The following KIRREL3 variants were observed in gnomAD, a reference collection of about 807,000 sequenced individuals.
KIRREL3 encodes the protein kin of IRRE-like protein 3.
Under a neutral mutation model 89.7 loss-of-function variants are expected in KIRREL3, and 36 were observed. That is an observed-to-expected ratio of 0.40 (90% CI 0.31 to 0.53). KIRREL3 has a LOEUF of 0.53. Among genes scored for constraint, KIRREL3 ranks in the 20% least tolerant of loss-of-function variants. The pLI is 0.49. For synonymous variants in KIRREL3, 445 were observed against 441.4 expected (o/e 1.01, Z -0.10); for missense variants, 864 against 1,056.6 (o/e 0.82, Z 2.53).
At chr11:126,539,046 T>C (rs919269331) in intron 2 of KIRREL3, among the ~76,000 whole-genome samples, 4 of 152,202 alleles carry the variant, frequency 2.6e-5, no homozygotes, top group African/African-American at 9.7e-5. Flanking sequence ...AAAGCAGCAG[T>C]GCCACATGGT....
At chr11:126,597,059 T>C (rs1565580726) in intron 1 of KIRREL3, among the ~76,000 whole-genome samples, 1 of 152,188 alleles carries the variant, frequency 6.6e-6, no homozygotes, top group Non-Finnish European at 1.5e-5. Context: ...GACAGACCTC[T>C]CAGAAATTCC....
rs368429930 is a variant in KIRREL3 at position 126,804,036 on chromosome 11, C to A, written c.55+196419G>T. On this transcript the variant is annotated intron_variant, in intron 1 of 16. Coordinates refer to ENST00000525144, the MANE Select transcript of KIRREL3 (RefSeq NM_032531.4). ...GTCTATGTGTGCATATATGTGTCATCTATGTTTGTAAGTATGTAGGCATGC... is the reference window on the plus strand; with the variant it reads ...GTCTATGTGTGCATATATGTGTCATATATGTTTGTAAGTATGTAGGCATGC... 9.3e-4 allele frequency among the ~76,000 whole-genome samples: 142 copies of A among 152,236 alleles called. 2 individuals carry two copies. In the South Asian group the frequency reaches 0.028, roughly 30 times the overall value.
intron 1 of KIRREL3, among the ~76,000 whole-genome samples, chr11:126,781,573 G>C (rs568993149): frequency 3.5e-4 from 54 of 152,194 alleles, no homozygotes; most frequent in Non-Finnish European, 5.7e-4. Context: ...CATTTTTAAG[G>C]TTCCTCCTCA....
intron 1 of KIRREL3, among the ~76,000 whole-genome samples, chr11:126,733,480 T>A (rs1034253430): frequency 2.0e-5 from 3 of 152,160 alleles, no homozygotes; most frequent in South Asian, 2.1e-4. Flanking sequence ...CTGGATTGTT[T>A]TCCTTCTTTC....
At position 126,521,854 on chromosome 11, in the gene KIRREL3, C is replaced by T. The variant is rs1958606398; in HGVS notation, c.284-390G>A. Among the ~76,000 whole-genome samples, 1 of 152,116 alleles carries T rather than the reference C, an allele frequency of 6.6e-6. No individual in the cohort carries two copies. The highest frequency in any genetic ancestry group is 6.6e-5 in the Admixed American group (1 of 15,266). Reference sequence around the variant, plus strand: ...CCACTTCCCAGACTCAAACGATCCTCCCACCTCAGCCTCCCAAGTAGCTGG... The same window carrying T: ...CCACTTCCCAGACTCAAACGATCCTTCCACCTCAGCCTCCCAAGTAGCTGG... On this transcript the variant is annotated intron_variant, in intron 3 of 16. Coordinates refer to ENST00000525144, the MANE Select transcript of KIRREL3 (RefSeq NM_032531.4). The surrounding 1 kb of genome is among the most constrained non-coding windows in gnomAD (Gnocchi z 4.1).
At chr11:126,573,630 G>A (rs987278867) in intron 1 of KIRREL3, among the ~76,000 whole-genome samples, 4 of 152,188 alleles carry the variant, frequency 2.6e-5, no homozygotes, top group Admixed American at 1.3e-4. Context: ...GAATCTGCCA[G>A]TTACCTCTCA....
chr11:126,760,404 T>C (rs1949633119), intron 1 of KIRREL3, among the ~76,000 whole-genome samples: 1 of 152,230 alleles, frequency 6.6e-6, no homozygotes, highest in African/African-American at 2.4e-5. Flanking sequence ...ACCTAGTTGG[T>C]CTTTTCAGTT....
chr11:126,518,406 G>A (rs980952582), intron 4 of KIRREL3, among the ~76,000 whole-genome samples: 1 of 152,172 alleles, frequency 6.6e-6, no homozygotes, highest in Non-Finnish European at 1.5e-5. Context: ...AGACCCCCGG[G>A]GGCCTCCCTC....
At chr11:126,483,850 C>T (rs1461694521) in intron 4 of KIRREL3, among the ~76,000 whole-genome samples, 1 of 152,194 alleles carries the variant, frequency 6.6e-6, no homozygotes, top group African/African-American at 2.4e-5. Flanking sequence ...GCTCAAAGGC[C>T]TATCATGCCT....
chr11:126,600,961 C>A (rs1274368650), intron 1 of KIRREL3, among the ~76,000 whole-genome samples: 1 of 152,188 alleles, frequency 6.6e-6, no homozygotes, highest in Non-Finnish European at 1.5e-5. Flanking sequence ...TTCTCTCTCT[C>A]ACCCCTCCAC....
intron 2 of KIRREL3, among the ~76,000 whole-genome samples, chr11:126,559,397 G>T (rs1355791732): frequency 6.6e-6 from 1 of 152,242 alleles, no homozygotes; most frequent in Non-Finnish European, 1.5e-5. Context: ...CGAAGGCCCA[G>T]GGAGAGGAGA....
chr11:126,566,235 T>C lies in KIRREL3; in HGVS notation c.56-3323A>G, dbSNP rs1329282272. The stretch of plus-strand genomic sequence containing the variant: ...CTGCAGATGGGGCAGTGGAGGGCAC[T>C]GTCCCAGGAACAAGGAAGGTTTAGG... On this transcript the variant is annotated intron_variant, in intron 1 of 16. Coordinates refer to ENST00000525144, the MANE Select transcript of KIRREL3 (RefSeq NM_032531.4). This position sits in a 1 kb window ranked among gnomAD's most constrained non-coding sequence, Gnocchi z 4.9. 6.6e-6 allele frequency among the ~76,000 whole-genome samples: 1 copy of C among 152,218 alleles called. No homozygotes were observed.
rs1195805690 is a variant in KIRREL3, at chr11:126,870,301, G to C, written c.55+130154C>G. ...TGCCTGTGCCATGTACTGCAAGACA[G>C]CTGGGATTGTCATGGACATCAATAT... On this transcript the variant is annotated intron_variant, in intron 1 of 16. Transcript: ENST00000525144. The surrounding 1 kb of genome is among the most constrained non-coding windows in gnomAD (Gnocchi z 4.4). Among the ~76,000 whole-genome samples the C allele has an allele frequency of 1.3e-5, 2 of 152,210 alleles. No homozygotes were observed. Among genetic ancestry groups the C allele is most frequent in the Non-Finnish European group, 2.9e-5 (2 of 68,032 alleles).
chr11:126,687,702 T>C lies in KIRREL3; in HGVS notation c.56-124790A>G, dbSNP rs554975949. On this transcript the variant is annotated intron_variant, in intron 1 of 16. Coordinates refer to ENST00000525144, the MANE Select transcript of KIRREL3 (RefSeq NM_032531.4). This position sits in a 1 kb window ranked among gnomAD's most constrained non-coding sequence, Gnocchi z 4.6. ...ACTCTCCTACATGCCAGGCATTGTT[T>C]TGGATGCTGGGGATACAAAGATAAG... Among the ~76,000 whole-genome samples, 2 of 152,358 alleles carry C rather than the reference T, an allele frequency of 1.3e-5. No homozygotes were observed. The highest frequency in any genetic ancestry group is 4.1e-4 in the South Asian group (2 of 4,828).
intron 11 of KIRREL3, among the ~76,000 whole-genome samples, chr11:126,439,263 G>A (rs963712957): frequency 6.6e-6 from 1 of 151,888 alleles, no homozygotes; most frequent in Non-Finnish European, 1.5e-5. Flanking sequence ...CCCAGGAAGT[G>A]GAGGTTGCAG....
intron 1 of KIRREL3, among the ~76,000 whole-genome samples, chr11:126,831,521 T>C (rs541328905): frequency 1.1e-4 from 17 of 152,096 alleles, no homozygotes; most frequent in African/African-American, 3.9e-4. Flanking sequence ...ACTGAAAGCA[T>C]TCTTTGAACC....
rs1957526776 is a variant in KIRREL3, at chr11:126,491,900, C to T, written c.434-18434G>A. 6.6e-6 allele frequency among the ~76,000 whole-genome samples: 1 copy of T among 151,972 alleles called. No individual in the cohort carries two copies. Among genetic ancestry groups the T allele is most frequent in the African/African-American group, 2.4e-5 (1 of 41,364 alleles). ...TATTTTTAGTAGAGATGGGGTTTCA[C>T]CATGTTGGCCAGGCTGGTCTCGAAC... On this transcript the variant is annotated intron_variant, in intron 4 of 16. Transcript: ENST00000525144. This position sits in a 1 kb window ranked among gnomAD's most constrained non-coding sequence, Gnocchi z 5.5.
Position 126,612,329 on chromosome 11 carries a change from T to A in KIRREL3, c.56-49417A>T, listed in dbSNP as rs1943167151. ...AATTTGAGTATTATATGGACACCCCTGGCATAGAATAAATGCTCCCTCAGT... is the reference window on the plus strand; with the variant it reads ...AATTTGAGTATTATATGGACACCCCAGGCATAGAATAAATGCTCCCTCAGT... On this transcript the variant is annotated intron_variant, in intron 1 of 16. Transcript: ENST00000525144. The surrounding 1 kb of genome is among the most constrained non-coding windows in gnomAD (Gnocchi z 4.5). Among the ~76,000 whole-genome samples, 1 of 152,144 alleles carries A rather than the reference T, an allele frequency of 6.6e-6. No homozygotes were observed. The highest frequency in any genetic ancestry group is 2.1e-4 in the South Asian group (1 of 4,830).
rs1215623296 is a variant in KIRREL3 at position 126,953,946 on chromosome 11, T to C, written c.55+46509A>G. Among the ~76,000 whole-genome samples the C allele has an allele frequency of 6.6e-6, 1 of 152,160 alleles. No homozygotes were observed. Among genetic ancestry groups the C allele is most frequent in the Non-Finnish European group, 1.5e-5 (1 of 68,030 alleles). ...CCTTTCTTTCTTTGCTGAGGCTAGA[T>C]TTCACAGGGCAATCTGCTGAGTGAC... On this transcript the variant is annotated intron_variant, in intron 1 of 16. Transcript: ENST00000525144. This position sits in a 1 kb window ranked among gnomAD's most constrained non-coding sequence, Gnocchi z 5.2.
Sources: allele counts gnomAD v4.1 joint callset (sites outside exome capture counted in the v4.1 genomes callset), GRCh38; gene constraint gnomAD v4.1.1; non-coding constraint Gnocchi (gnomAD v3.1); transcripts MANE v1.5; gene names NCBI Gene and HGNC (gene_info 2026-07-23, HGNC 2026-07-21).